The following ZNF492 variants were observed in gnomAD, a reference collection of about 807,000 sequenced individuals.
ZNF492 encodes the protein zinc finger protein 115 (Y20).
Under a neutral mutation model 6.4 loss-of-function variants are expected in ZNF492, and 3 were observed. The observed-to-expected ratio is 0.47, with a 90% CI of 0.21 to 1.22. The LOEUF is 1.22. Ranked by LOEUF, ZNF492 falls within the 50% of genes most tolerant of loss-of-function variation. The pLI, the probability that ZNF492 is intolerant of heterozygous loss-of-function variation, is 0.22. For synonymous variants in ZNF492, 112 were observed against 205.3 expected (o/e 0.55, Z 3.89); for missense variants, 356 against 612.5 (o/e 0.58, Z 4.42).
intron 1 of ZNF492, among the ~76,000 whole-genome samples, chr19:22,635,890 A>G (rs901378484): frequency 2.6e-5 from 4 of 152,174 alleles, no homozygotes; most frequent in African/African-American, 9.6e-5. Flanking sequence ...TTTTTGGTTC[A>G]GGGGTACACA....
intron 1 of ZNF492, among the ~76,000 whole-genome samples, chr19:22,649,721 T>C (rs1202358689): frequency 1.3e-5 from 2 of 152,222 alleles, no homozygotes; most frequent in African/African-American, 4.8e-5. Flanking sequence ...TTCTTCTACT[T>C]TGTCAATTTG....
chr19:22,661,183 T>G (rs1267272813), intron 3 of ZNF492, among the ~76,000 whole-genome samples: 2 of 151,236 alleles, frequency 1.3e-5, no homozygotes, highest in Non-Finnish European at 2.9e-5. Context: ...TCCAGTTGTT[T>G]ATTTTTCTAC....
In ZNF492 at chr19:22,665,165, A is replaced by G. The variant is rs1972110985; in HGVS notation, c.1496A>G (p.His499Arg). The change falls in exon 4 of 4, where the codon CAT becomes CGT. Residue 499 changes from histidine (H) to arginine (R), a missense_variant. His to Arg is a conservative substitution (Grantham distance 29). Coordinates refer to ENST00000456783, the MANE Select transcript of ZNF492 (RefSeq NM_020855.3). ...SSILNRHKMI[H>R]TGEKLYKPES... ...ATTCTTAACAGACATAAGATGATTC[A>G]TACTGGAGAGAAACTCTACAAACCT... is the stretch of plus-strand genomic sequence containing the variant. The G allele has an allele frequency of 6.2e-7, 1 of 1,609,982 alleles. No homozygotes were observed. The highest frequency in any genetic ancestry group is 2.2e-5 in the East Asian group (1 of 44,836).
At chr19:22,653,797 T>A in intron 2 of ZNF492, 123 bp from the exon 3 acceptor site, 1 of 933,262 alleles carries the variant, frequency 1.1e-6, no homozygotes. Context: ...AAATTTTTTG[T>A]TGTGTATTAG....
chr19:22,638,849 G>A (rs368224811), intron 1 of ZNF492, among the ~76,000 whole-genome samples: 8 of 151,726 alleles, frequency 5.3e-5, no homozygotes, highest in African/African-American at 1.9e-4. Flanking sequence ...TTTTTTGTTT[G>A]TTTGTTTGTT....
In ZNF492 at chr19:22,663,827, T is replaced by A. The variant is rs1471017349; in HGVS notation, c.158T>A (p.Leu53His). The part of the protein sequence containing the change: ...PVVCSYFARD[L>H]WPKQGKKNYF... Reference sequence around the variant, plus strand: ...GTATGTTCTTATTTTGCCCGAGACCTTTGGCCAAAGCAGGGCAAAAAAAAT... The same window carrying A: ...GTATGTTCTTATTTTGCCCGAGACCATTGGCCAAAGCAGGGCAAAAAAAAT... The change falls in exon 4 of 4, where the codon CTT becomes CAT. Residue 53 changes from leucine to histidine, a missense_variant. Physicochemically the swap from Leu to His is moderately conservative, Grantham distance 99. This residue lies in a region of ZNF492 where 196 missense variants were observed against 219.4 expected (regional missense o/e 0.89). Coordinates refer to ENST00000456783, the MANE Select transcript of ZNF492 (RefSeq NM_020855.3). 2.7e-5 allele frequency: 42 copies of A among 1,535,098 alleles called. No individual in the cohort carries two copies. Among genetic ancestry groups the A allele is most frequent in the Non-Finnish European group, 3.4e-5 (39 of 1,146,014 alleles).
intron 1 of ZNF492, among the ~76,000 whole-genome samples, chr19:22,648,474 G>C (rs928036845): frequency 6.6e-5 from 10 of 152,210 alleles, no homozygotes; most frequent in African/African-American, 2.2e-4. Flanking sequence ...ACTTGATCCA[G>C]AGCTGAGTTC....
intron 1 of ZNF492, among the ~76,000 whole-genome samples, chr19:22,642,384 CTTTTTTTTTTTT>C (rs869202400): frequency 2.3e-5 from 2 of 85,492 alleles, no homozygotes; most frequent in Non-Finnish European, 4.2e-5. Flanking sequence ...AACCTTTTGT[CTTTTTTTTTTTT>C]TTTTTTTTTT....
chr19:22,645,361 G>T (rs1599396338), intron 1 of ZNF492, among the ~76,000 whole-genome samples: 1 of 152,132 alleles, frequency 6.6e-6, no homozygotes. Flanking sequence ...CTCACTTTTT[G>T]ATGGAATTGT....
intron 1 of ZNF492, among the ~76,000 whole-genome samples, chr19:22,647,307 A>T (rs980715263): frequency 7.5e-6 from 1 of 132,456 alleles, no homozygotes; most frequent in South Asian, 2.4e-4. Context: ...CCCAGGCTGG[A>T]GTGTAATTGT....
intron 1 of ZNF492, among the ~76,000 whole-genome samples, chr19:22,652,781 G>C (rs1443059799): frequency 6.6e-6 from 1 of 152,008 alleles, no homozygotes; most frequent in Non-Finnish European, 1.5e-5. Flanking sequence ...GGGTTTCACC[G>C]TGTTAGCCAG....
Position 22,664,113 on chromosome 19 carries a change from G to T in ZNF492, c.444G>T (p.Lys148Asn), listed in dbSNP as rs779726909. The T allele has an allele frequency of 1.2e-6, 2 of 1,604,690 alleles. No homozygotes were observed. The highest frequency in any genetic ancestry group is 1.7e-6 in the Non-Finnish European group (2 of 1,175,158). ...KKSFKCKECE[K>N]SFCMLSHLAQ... ...CTTTCAAATGTAAAGAATGTGAAAA[G>T]TCATTTTGCATGCTTTCACACTTAG... Residue 148 changes from lysine to asparagine, a missense_variant, in exon 4 of 4, where the codon AAG (lysine) becomes AAT (asparagine). Physicochemically the swap from Lys to Asn is moderately conservative, Grantham distance 94. This residue lies in a region of ZNF492 where 196 missense variants were observed against 219.4 expected (regional missense o/e 0.89). Transcript: ENST00000456783.
chr19:22,653,288 G>A lies in ZNF492; in HGVS notation c.-93-19G>A. ...ATGGCCACTTGGTAAATATGTATGT[G>A]TGTTTGTATGTTTTTCAGGGAGTGT... is the stretch of plus-strand genomic sequence containing the variant. On this transcript the variant is annotated intron_variant, in intron 1 of 3. Coordinates refer to ENST00000456783, the MANE Select transcript of ZNF492 (RefSeq NM_020855.3). 6.2e-7 allele frequency: 1 copy of A among 1,610,408 alleles called. No individual in the cohort carries two copies. The highest frequency in any genetic ancestry group is 1.1e-5 in the South Asian group (1 of 90,504).
At chr19:22,636,486 TCTATGTTGC>T in intron 1 of ZNF492, among the ~76,000 whole-genome samples, 1 of 99,322 alleles carries the variant, frequency 1.0e-5, no homozygotes, top group African/African-American at 6.1e-5. Context: ...TCTATGTTGC[TCTATGTTGC>T]TTCAAAGGAC....
rs183419876 is a variant in ZNF492, at chr19:22,645,753, C to T, written c.-93-7554C>T. Among the ~76,000 whole-genome samples, 1,142 of 152,268 alleles carry T rather than the reference C, an allele frequency of 7.5e-3. 10 individuals are homozygous for T. Among genetic ancestry groups the T allele is most frequent in the African/African-American group, 0.026 (1,081 of 41,542 alleles). ...TTTCTGCATATGGCTAGCCAGTTTT[C>T]TCAGGACCATTTATTGAATAGAAAA... On this transcript the variant is annotated intron_variant, in intron 1 of 3. Transcript: ENST00000456783.
At position 22,665,178 on chromosome 19, in the gene ZNF492, ACT is replaced by A; in HGVS notation, c.1512_1513del (p.Tyr505GlnfsTer3). ...RHKMIHTGEK[L>X]YKPESCNNAC... is the part of the protein sequence containing the mutation. ...ATAAGATGATTCATACTGGAGAGAA[ACT>A]CTACAAACCTGAAAGTTGTAACAAT... On this transcript the variant is annotated frameshift_variant, in exon 4 of 4. Transcript: ENST00000456783. LOFTEE classifies it low-confidence loss of function (END_TRUNC). 1 of 1,605,810 alleles carries A rather than the reference ACT, an allele frequency of 6.2e-7. No homozygotes were observed. Among genetic ancestry groups the A allele is most frequent in the East Asian group, 2.2e-5 (1 of 44,800 alleles).
intron 1 of ZNF492, among the ~76,000 whole-genome samples, chr19:22,650,990 G>C (rs1213383448): frequency 6.6e-6 from 1 of 152,210 alleles, no homozygotes; most frequent in African/African-American, 2.4e-5. Context: ...CTGAGAGGCT[G>C]TTGAGAATCT....
intron 1 of ZNF492, among the ~76,000 whole-genome samples, chr19:22,651,004 C>T (rs1429442501): frequency 2.0e-5 from 3 of 152,182 alleles, no homozygotes; most frequent in South Asian, 4.1e-4. Context: ...AGAATCTGCA[C>T]AGCTCTGGGG....
At chr19:22,651,720 G>C (rs1209442514) in intron 1 of ZNF492, among the ~76,000 whole-genome samples, 1 of 151,942 alleles carries the variant, frequency 6.6e-6, no homozygotes. Flanking sequence ...GAAAAGCTGG[G>C]GTCCTTAATA....
Sources: allele counts gnomAD v4.1 joint callset (sites outside exome capture counted in the v4.1 genomes callset), GRCh38; gene constraint gnomAD v4.1.1; regional missense constraint gnomAD v4.1.1; transcripts MANE v1.5; gene names NCBI Gene and HGNC (gene_info 2026-07-23, HGNC 2026-07-21).